TMPRSS12: variants seen among roughly 807,000 people sequenced by gnomAD.
TMPRSS12 encodes transmembrane serine protease 12, also known as transmembrane protease serine 12.
Under a neutral mutation model 26.0 loss-of-function variants are expected in TMPRSS12, and 25 were observed. The observed-to-expected ratio is 0.96, with a 90% CI of 0.70 to 1.34. The LOEUF is 1.34. TMPRSS12 is among the 40% of genes most tolerant of loss of function. The pLI is 0.00. For synonymous variants in TMPRSS12, 150 were observed against 161.7 expected, an observed-to-expected ratio of 0.93 and a Z score of 0.55; for missense variants, 441 against 440.1, an observed-to-expected ratio of 1.00 and a Z score of -0.02.
At chr12:50,863,707 A>G (rs1414737264) in intron 3 of TMPRSS12, among the ~76,000 whole-genome samples, 4 of 152,176 alleles carry the variant, frequency 2.6e-5, no homozygotes, top group Non-Finnish European at 5.9e-5. Flanking sequence ...TAACAATGAA[A>G]TGACAAAATT....
intron 3 of TMPRSS12, among the ~76,000 whole-genome samples, chr12:50,862,816 T>C (rs1937950192): frequency 6.6e-6 from 1 of 151,924 alleles, no homozygotes; most frequent in Non-Finnish European, 1.5e-5. Context: ...CGTGAGCCCC[T>C]GCACCCGCCT....
At chr12:50,868,840 A>G (rs747461673) in intron 3 of TMPRSS12, among the ~76,000 whole-genome samples, 23 of 152,208 alleles carry the variant, frequency 1.5e-4, no homozygotes, top group Non-Finnish European at 2.8e-4. Flanking sequence ...CAACTCCAAA[A>G]GGAACTTTCA....
chr12:50,856,189 G>A (rs528765291), intron 2 of TMPRSS12, among the ~76,000 whole-genome samples: 5 of 152,190 alleles, frequency 3.3e-5, no homozygotes, highest in African/African-American at 1.2e-4. Flanking sequence ...GTGTACCCCC[G>A]AACCTAAAAT....
At chr12:50,887,128 C>T (rs1938234902) in intron 4 of TMPRSS12, 134 bp from the exon 5 acceptor site, 2 of 941,606 alleles carry the variant, frequency 2.1e-6, no homozygotes, top group Non-Finnish European at 3.0e-6. Context: ...ATCTAGTGAT[C>T]TTTATAAATT....
chr12:50,842,970 G>A lies in TMPRSS12; in HGVS notation c.6G>A (p.Arg2=). The A allele has an allele frequency of 6.3e-7, 1 of 1,586,530 alleles. No individual in the cohort carries two copies. The highest frequency in any genetic ancestry group is 8.6e-7 in the Non-Finnish European group (1 of 1,165,260). Residue 2 remains arginine, a synonymous_variant, in exon 1 of 5, where the codon CGG becomes CGA. Coordinates refer to ENST00000398458, the MANE Select transcript of TMPRSS12 (RefSeq NM_182559.3). The stretch of plus-strand genomic sequence containing the variant: ...CTTGCTCACCAGCCTCCAAAATGCG[G>A]CTGGGGCTCCTGAGCGTGGCGCTGT... M[R]LGLLSVALLF...
chr12:50,868,495 A>T (rs945045738), intron 3 of TMPRSS12, among the ~76,000 whole-genome samples: 10 of 152,168 alleles, frequency 6.6e-5, no homozygotes, highest in African/African-American at 2.4e-4. Context: ...CCACATTTAT[A>T]AAACAATTAC....
rs1450937519 is a variant in TMPRSS12, at chr12:50,872,928, A to ACG, written c.653-12318_653-12317insCG. On this transcript the variant is annotated intron_variant, in intron 3 of 4. Coordinates refer to ENST00000398458, the MANE Select transcript of TMPRSS12 (RefSeq NM_182559.3). ...ATATGACTATATATGTACATATATG[A>ACG]TGTATATATGTACATATATATGACG... Among the ~76,000 whole-genome samples, 7 of 60,522 alleles carry ACG rather than the reference A, an allele frequency of 1.2e-4. 1 individual carries two copies. The highest frequency in any genetic ancestry group is 4.1e-4 in the African/African-American group (5 of 12,156). The allele number at this position is 60,522 out of a possible 152,430, so 39.7% of individuals were successfully genotyped here. A position where few individuals can be genotyped will look rare whatever the true frequency, so the allele number is the denominator to read the frequency against.
intron 3 of TMPRSS12, among the ~76,000 whole-genome samples, chr12:50,871,875 AC>A (rs1938046159): frequency 6.6e-6 from 1 of 152,128 alleles, no homozygotes. Flanking sequence ...GCAAATCAAA[AC>A]CACAATGCAA....
At chr12:50,854,517 C>T (rs1166920665) in intron 2 of TMPRSS12, among the ~76,000 whole-genome samples, 1 of 152,116 alleles carries the variant, frequency 6.6e-6, no homozygotes, top group Non-Finnish European at 1.5e-5. Context: ...GGAAGTCAAA[C>T]TATCTCTGTT....
intron 3 of TMPRSS12, among the ~76,000 whole-genome samples, chr12:50,866,712 C>T (rs1025766895): frequency 3.9e-5 from 6 of 152,130 alleles, no homozygotes; most frequent in African/African-American, 1.4e-4. Context: ...AAGCTAAGAA[C>T]CTTCACAGAG....
chr12:50,856,217 T>C (rs1451946926), intron 2 of TMPRSS12, among the ~76,000 whole-genome samples: 3 of 152,138 alleles, frequency 2.0e-5, no homozygotes, highest in African/African-American at 7.2e-5. Context: ...AGGGAAAAGA[T>C]ATAAATAAAA....
intron 3 of TMPRSS12, among the ~76,000 whole-genome samples, chr12:50,880,570 G>A (rs1938153469): frequency 6.6e-6 from 1 of 152,158 alleles, no homozygotes; most frequent in Admixed American, 6.5e-5. Flanking sequence ...CAGTTTGACG[G>A]TTTCTGGGAA....
rs760915133 is a variant in TMPRSS12, at chr12:50,885,581, T to C, written c.795+193T>C. 15 of 684,322 alleles carry C rather than the reference T, an allele frequency of 2.2e-5. No homozygotes were observed. The South Asian group carries it at 2.6e-4, about 12-fold the overall frequency. 42.4% of individuals were successfully genotyped at this position (684,322 alleles called of 1,614,324 possible). Reference sequence around the variant, plus strand: ...ATTCCATGGTTTCTGCTGTCATCAGTAGGCAGAATTTACCTTGAATTCTTT... The same window carrying C: ...ATTCCATGGTTTCTGCTGTCATCAGCAGGCAGAATTTACCTTGAATTCTTT... On this transcript the variant is annotated intron_variant, in intron 4 of 4. Transcript: ENST00000398458.
intron 4 of TMPRSS12, chr12:50,886,603 A>T (rs975118672): frequency 6.6e-6 from 1 of 152,246 alleles, no homozygotes; most frequent in Non-Finnish European, 1.5e-5. Context: ...AGAGAATCGG[A>T]AACAGTTATC....
In TMPRSS12 at chr12:50,843,056, T is replaced by A. The variant is rs749184939; in HGVS notation, c.92T>A (p.Leu31His). The A allele has an allele frequency of 1.9e-6, 3 of 1,598,438 alleles. No homozygotes were observed. Among genetic ancestry groups the A allele is most frequent in the Admixed American group, 3.5e-5 (2 of 57,330 alleles). ...DHYSPSGRHRLGPSPEPAASS... is the reference protein window; with the variant it reads ...DHYSPSGRHRHGPSPEPAASS... Reference sequence around the variant, plus strand: ...TACTCGCCCTCTGGAAGGCACAGGCTCGGCCCCTCGCCGGAACCGGCGGCT... The same window carrying A: ...TACTCGCCCTCTGGAAGGCACAGGCACGGCCCCTCGCCGGAACCGGCGGCT... The change falls in exon 1 of 5, where the codon CTC (leucine) becomes CAC (histidine). Residue 31 changes from leucine to histidine, a missense_variant. By Grantham distance (99) the Leu-to-His change is moderately conservative. Coordinates refer to ENST00000398458, the MANE Select transcript of TMPRSS12 (RefSeq NM_182559.3).
intron 2 of TMPRSS12, among the ~76,000 whole-genome samples, chr12:50,855,246 T>A (rs1937864579): frequency 6.6e-6 from 1 of 152,170 alleles, no homozygotes; most frequent in South Asian, 2.1e-4. Flanking sequence ...CTAAAGAGCT[T>A]CTGCACAGTA....
chr12:50,883,697 GAAATA>G (rs1439254655), intron 3 of TMPRSS12, among the ~76,000 whole-genome samples: 1 of 151,974 alleles, frequency 6.6e-6, no homozygotes, highest in Non-Finnish European at 1.5e-5. Context: ...AAATAATAAT[GAAATA>G]AAATAAAATG....
chr12:50,854,508 G>A (rs1937857705), intron 2 of TMPRSS12, among the ~76,000 whole-genome samples: 1 of 152,092 alleles, frequency 6.6e-6, no homozygotes, highest in Non-Finnish European at 1.5e-5. Context: ...AGGAAGAGAG[G>A]AAGTCAAACT....
In TMPRSS12 at chr12:50,843,825, A is replaced by G. The variant is rs1346050558; in HGVS notation, c.188-17A>G. 1 of 1,548,412 alleles carries G rather than the reference A, an allele frequency of 6.5e-7. No homozygotes were observed. The highest frequency in any genetic ancestry group is 2.4e-5 in the East Asian group (1 of 40,846). ...TATAGATGCTCAGTCCAAATAATAT[A>G]TCATTTTTATTTTTAGATTGTGGAA... On this transcript the variant is annotated splice_polypyrimidine_tract_variant and intron_variant, in intron 1 of 4. Transcript: ENST00000398458.
Sources: gnomAD v4.1 joint callset for allele counts (sites outside exome capture counted in the v4.1 genomes callset) on GRCh38, gnomAD v4.1.1 for gene constraint, MANE v1.5 for transcripts, NCBI Gene and HGNC (gene_info 2026-07-23, HGNC 2026-07-21) for gene names.